Variants in DIS3L2 observed in about 807,000 individuals in gnomAD.
DIS3L2 encodes the protein DIS3-like exonuclease 2.
A neutral mutation model predicts 97.5 loss-of-function variants in DIS3L2; 34 were observed. The ratio of observed to expected loss-of-function variants is 0.35; its 90% CI spans 0.27 to 0.46. The LOEUF (loss-of-function observed/expected upper bound fraction) is 0.46, where lower values mean the gene tolerates loss of function less well. DIS3L2 is among the 20% of genes least tolerant of loss of function. The pLI is 1.00. For synonymous variants in DIS3L2, 435 were observed against 445.2 expected (o/e 0.98, Z 0.29); for missense variants, 1,038 against 1,146.0 (o/e 0.91, Z 1.36).
At chr2:232,019,431 C>A (rs1403903038) in intron 3 of DIS3L2, among the ~76,000 whole-genome samples, 1 of 152,024 alleles carries the variant, frequency 6.6e-6, no homozygotes, top group East Asian at 1.9e-4. Flanking sequence ...ACCTGTATTC[C>A]TAGCTACTGG....
At chr2:232,320,123 G>A (rs1338346760) in intron 14 of DIS3L2, among the ~76,000 whole-genome samples, 1 of 151,334 alleles carries the variant, frequency 6.6e-6, no homozygotes, top group African/African-American at 2.4e-5. Context: ...CAGAGCTGGG[G>A]CCTCAGTGCC....
chr2:232,079,830 G>T (rs1696334092), intron 5 of DIS3L2, among the ~76,000 whole-genome samples: 1 of 152,150 alleles, frequency 6.6e-6, no homozygotes, highest in Non-Finnish European at 1.5e-5. Context: ...CCCTAAGATG[G>T]AAGGTTGTAG....
intron 5 of DIS3L2, among the ~76,000 whole-genome samples, chr2:232,073,430 T>TTG (rs1400184358): frequency 1.3e-5 from 2 of 152,186 alleles, no homozygotes; most frequent in Non-Finnish European, 2.9e-5. Context: ...TGGGTATATG[T>TTG]GAATCTTTTG....
intron 8 of DIS3L2, among the ~76,000 whole-genome samples, chr2:232,148,665 A>G (rs949432399): frequency 6.6e-5 from 10 of 151,504 alleles, no homozygotes; most frequent in African/African-American, 2.2e-4. Context: ...TTGGACTCAG[A>G]GTATAACCTG....
intron 4 of DIS3L2, 83 bp downstream of exon 4, chr2:232,024,413 C>T: frequency 8.8e-7 from 1 of 1,138,592 alleles, no homozygotes; most frequent in Non-Finnish European, 1.3e-6. Flanking sequence ...TATATTCTAA[C>T]TAAAAAGCAG....
chr2:232,213,726 T>C (rs1692259164), intron 10 of DIS3L2, among the ~76,000 whole-genome samples: 1 of 145,504 alleles, frequency 6.9e-6, no homozygotes, highest in African/African-American at 2.5e-5. Flanking sequence ...ATTAAAATTA[T>C]CTGAATGACC....
intron 6 of DIS3L2, among the ~76,000 whole-genome samples, chr2:232,098,890 AG>A (rs970135419): frequency 1.3e-5 from 2 of 152,196 alleles, no homozygotes; most frequent in African/African-American, 4.8e-5. Context: ...ATTTTAATGC[AG>A]TAAAAGTTGT....
intron 14 of DIS3L2, among the ~76,000 whole-genome samples, chr2:232,324,383 C>A (rs566186957): frequency 1.3e-5 from 2 of 152,234 alleles, no homozygotes; most frequent in African/African-American, 4.8e-5. Flanking sequence ...TTAGCAGGAG[C>A]CTCCCACAGA....
intron 8 of DIS3L2, among the ~76,000 whole-genome samples, chr2:232,141,929 T>C (rs554423487): frequency 1.2e-4 from 19 of 152,164 alleles, no homozygotes; most frequent in Non-Finnish European, 2.4e-4. Flanking sequence ...AGTAGGAAAA[T>C]TAAACCATGA....
intron 9 of DIS3L2, among the ~76,000 whole-genome samples, chr2:232,175,081 G>A (rs538421373): frequency 2.6e-5 from 4 of 151,970 alleles, no homozygotes; most frequent in Admixed American, 6.6e-5. Context: ...TGCCCGCCCC[G>A]GCCTCCCAAA....
In DIS3L2 at chr2:232,263,348, G is replaced by A. The variant is rs745936781; in HGVS notation, c.1567G>A (p.Glu523Lys). ...CCCCATTTCCCCAGAGCATAGCAGC[G>A]AGGAGGTACACCAGGCCGTCTTGAA... ...LPPISPEHSS[E>K]EVHQAVLNLH... Residue 523 changes from glutamate (E) to lysine (K), a missense_variant, in exon 13 of 21, where the codon GAG becomes AAG. Transcript: ENST00000325385. The A allele has an allele frequency of 1.9e-5, 31 of 1,614,060 alleles. No individual in the cohort carries two copies. The highest frequency in any genetic ancestry group is 6.7e-5 in the African/African-American group (5 of 74,916).
intron 13 of DIS3L2, among the ~76,000 whole-genome samples, chr2:232,265,024 A>G (rs1341594377): frequency 6.6e-6 from 1 of 152,242 alleles, no homozygotes; most frequent in African/African-American, 2.4e-5. Context: ...AACTAAAGGC[A>G]TAGGGGATTA....
intron 5 of DIS3L2, among the ~76,000 whole-genome samples, chr2:232,086,377 A>G (rs1324811208): frequency 7.0e-6 from 1 of 142,106 alleles, no homozygotes; most frequent in Non-Finnish European, 1.6e-5. Context: ...GTATATGTAT[A>G]TGTATATGTA....
At chr2:232,115,126 T>C (rs1020146198) in intron 6 of DIS3L2, among the ~76,000 whole-genome samples, 9 of 152,056 alleles carry the variant, frequency 5.9e-5, no homozygotes, top group African/African-American at 1.9e-4. Flanking sequence ...TCCAATCACC[T>C]CTTAAAGGCT....
At chr2:232,176,455 A>T (rs1440512082) in intron 9 of DIS3L2, among the ~76,000 whole-genome samples, 5 of 147,586 alleles carry the variant, frequency 3.4e-5, no homozygotes, top group Non-Finnish European at 7.5e-5. Context: ...CTTTTTTTTT[A>T]AATTCTCTTT....
intron 14 of DIS3L2, 52 bp from the exon 15 acceptor site, chr2:232,329,761 G>T: frequency 1.4e-6 from 2 of 1,426,392 alleles, no homozygotes. Context: ...GAAAGCCTGC[G>T]CACCTGTCCC....
chr2:232,339,343 G>C (rs150279401), downstream of DIS3L2, among the ~76,000 whole-genome samples: 4 of 152,222 alleles, frequency 2.6e-5, no homozygotes, highest in African/African-American at 9.6e-5. Flanking sequence ...CCACTGCAGC[G>C]GCTCCACCAC....
chr2:232,197,967 T>TAA (rs535772798), intron 9 of DIS3L2, among the ~76,000 whole-genome samples: 8 of 137,846 alleles, frequency 5.8e-5, no homozygotes, highest in East Asian at 2.1e-4. Flanking sequence ...TCCATCTCAT[T>TAA]AAAAAAAAAA....
chr2:232,273,795 G>A (rs1475256148), intron 13 of DIS3L2, among the ~76,000 whole-genome samples: 1 of 149,602 alleles, frequency 6.7e-6, no homozygotes, highest in African/African-American at 2.5e-5. Flanking sequence ...GGAGATGCTG[G>A]CCTGCTGGCA....
Sources: gnomAD v4.1 joint callset for allele counts (sites outside exome capture counted in the v4.1 genomes callset) on GRCh38, gnomAD v4.1.1 for gene constraint, MANE v1.5 for transcripts, NCBI Gene and HGNC (gene_info 2026-07-23, HGNC 2026-07-21) for gene names.